Variants in GSK3B observed in about 807,000 individuals in gnomAD.
GSK3B encodes the protein glycogen synthase kinase 3 beta, also known as glycogen synthase kinase-3 beta.
A neutral mutation model predicts 56.4 loss-of-function variants in GSK3B; 15 were observed. The ratio of observed to expected loss-of-function variants is 0.27; its 90% CI spans 0.18 to 0.41. The LOEUF (loss-of-function observed/expected upper bound fraction) is 0.41. GSK3B is among the 10% of genes least tolerant of loss of function. The pLI, the probability that GSK3B is intolerant of heterozygous loss-of-function variation, is 1.00. For missense variants in GSK3B, 300 were observed against 513.4 expected, an observed-to-expected ratio of 0.58 and a Z score of 4.02; for synonymous variants, 181 against 188.9, an observed-to-expected ratio of 0.96 and a Z score of 0.34.
chr3:120,051,637 G>C (rs577232264), intron 1 of GSK3B, among the ~76,000 whole-genome samples: 50 of 151,774 alleles, frequency 3.3e-4, no homozygotes, highest in Non-Finnish European at 3.8e-4. Context: ...TGTGGTGGTG[G>C]GCATCTGTAA....
rs552972183 is a variant in GSK3B, at chr3:119,872,296, A to G, written c.909+4117T>C. ...AAATACTCTATTTTTCTGGAAAAGA[A>G]AGGCAGAAAAGATCAAGAACAGAGT... On this transcript the variant is annotated intron_variant, in intron 8 of 10. Coordinates refer to ENST00000264235, the MANE Select transcript of GSK3B (RefSeq NM_001146156.2). Among the ~76,000 whole-genome samples the G allele has an allele frequency of 2.0e-5, 3 of 152,296 alleles. No individual in the cohort carries two copies. The South Asian group carries it at 6.2e-4, about 32-fold the overall frequency.
intron 10 of GSK3B, among the ~76,000 whole-genome samples, chr3:119,835,430 T>A (rs1225102443): frequency 6.6e-6 from 1 of 152,112 alleles, no homozygotes; most frequent in African/African-American, 2.4e-5. Flanking sequence ...AAACCAAAAG[T>A]CCAAGAATAA....
At chr3:120,022,712 G>A (rs1274957098) in intron 1 of GSK3B, among the ~76,000 whole-genome samples, 1 of 152,190 alleles carries the variant, frequency 6.6e-6, no homozygotes, top group African/African-American at 2.4e-5. Flanking sequence ...TCACAAAGCA[G>A]TCCACTTAGC....
chr3:120,033,870 G>A (rs938763321), intron 1 of GSK3B, among the ~76,000 whole-genome samples: 1 of 152,024 alleles, frequency 6.6e-6, no homozygotes, highest in African/African-American at 2.4e-5. Context: ...AGTTTCCTGA[G>A]GCCTCCCACC....
intron 1 of GSK3B, among the ~76,000 whole-genome samples, chr3:120,027,692 G>A (rs1376049653): frequency 6.6e-6 from 1 of 152,060 alleles, no homozygotes; most frequent in Non-Finnish European, 1.5e-5. Flanking sequence ...ACATGAAAAA[G>A]CAGAGTATAT....
intron 2 of GSK3B, among the ~76,000 whole-genome samples, chr3:119,973,330 G>A (rs1271780366): frequency 5.9e-5 from 9 of 152,102 alleles, no homozygotes; most frequent in African/African-American, 1.9e-4. Flanking sequence ...GAAATCTCAC[G>A]CTGTCCTGCT....
chr3:120,055,962 C>CA (rs2058188362), intron 1 of GSK3B, among the ~76,000 whole-genome samples: 1 of 152,206 alleles, frequency 6.6e-6, no homozygotes, highest in African/African-American at 2.4e-5. Flanking sequence ...CAGAAGCCCA[C>CA]AAAGCCAAAA....
intron 6 of GSK3B, among the ~76,000 whole-genome samples, chr3:119,908,569 A>G (rs2056705390): frequency 6.6e-6 from 1 of 152,166 alleles, no homozygotes; most frequent in Non-Finnish European, 1.5e-5. Flanking sequence ...CCACAAGCAA[A>G]ATATTCTTTG....
chr3:120,029,193 G>A (rs2057955020), intron 1 of GSK3B: 1 of 683,320 alleles, frequency 1.5e-6, no homozygotes, highest in Admixed American at 2.2e-5. Context: ...TCAGAAAGGA[G>A]ATTAACAAGT....
intron 1 of GSK3B, among the ~76,000 whole-genome samples, chr3:120,075,470 C>G (rs540895261): frequency 1.3e-5 from 2 of 152,098 alleles, no homozygotes; most frequent in South Asian, 4.2e-4. Flanking sequence ...ATGGCATGAT[C>G]CCATATATAG....
intron 1 of GSK3B, among the ~76,000 whole-genome samples, chr3:120,045,385 C>T (rs2058094764): frequency 6.6e-6 from 1 of 152,162 alleles, no homozygotes; most frequent in African/African-American, 2.4e-5. Flanking sequence ...CAATAACTCA[C>T]ATCTGTTCCC....
intron 1 of GSK3B, among the ~76,000 whole-genome samples, chr3:120,037,006 C>T (rs2058028861): frequency 6.6e-6 from 1 of 152,000 alleles, no homozygotes; most frequent in Admixed American, 6.6e-5. Flanking sequence ...CTGACAAAAC[C>T]CAAAGTCTGT....
intron 1 of GSK3B, among the ~76,000 whole-genome samples, chr3:120,010,462 C>G (rs776544764): frequency 6.6e-6 from 1 of 152,058 alleles, no homozygotes; most frequent in Admixed American, 6.5e-5. Flanking sequence ...TCTTACAATC[C>G]AATTGTCTCA....
intron 9 of GSK3B, among the ~76,000 whole-genome samples, chr3:119,844,788 G>A (rs2055833229): frequency 6.6e-6 from 1 of 152,134 alleles, no homozygotes; most frequent in Non-Finnish European, 1.5e-5. Flanking sequence ...AGAAAAAGAG[G>A]GAATCCTCCC....
At chr3:119,888,396 C>A (rs2056464041) in intron 7 of GSK3B, among the ~76,000 whole-genome samples, 1 of 152,118 alleles carries the variant, frequency 6.6e-6, no homozygotes, top group South Asian at 2.1e-4. Flanking sequence ...AATCTCTGAA[C>A]ATAAATTGTG....
In GSK3B at chr3:120,050,099, T is replaced by C. The variant is rs143506174; in HGVS notation, c.88+43248A>G. Among the ~76,000 whole-genome samples the C allele has an allele frequency of 1.1e-4, 17 of 152,284 alleles. No individual in the cohort carries two copies. In the East Asian group the frequency reaches 2.7e-3, roughly 24 times the overall value. ...GAAGCTCAAAGGGGAAGTGGTCAGATGTGAAGACAAAAAATCTGGCGGCAT... is the reference window on the plus strand; with the variant it reads ...GAAGCTCAAAGGGGAAGTGGTCAGACGTGAAGACAAAAAATCTGGCGGCAT... On this transcript the variant is annotated intron_variant, in intron 1 of 10. Transcript: ENST00000264235.
intron 1 of GSK3B, among the ~76,000 whole-genome samples, chr3:120,080,831 A>C (rs2107576460): frequency 6.6e-6 from 1 of 150,414 alleles, no homozygotes; most frequent in East Asian, 1.9e-4. Context: ...CTCAGTCTCA[A>C]AAAAAAAAAG....
intron 3 of GSK3B, among the ~76,000 whole-genome samples, chr3:119,927,349 A>C (rs561354934): frequency 2.0e-5 from 3 of 152,312 alleles, no homozygotes; most frequent in African/African-American, 7.2e-5. Context: ...GAATGAATGC[A>C]GGGTGAGCAG....
intron 1 of GSK3B, among the ~76,000 whole-genome samples, chr3:120,014,585 G>A (rs930881406): frequency 5.3e-5 from 8 of 152,160 alleles, no homozygotes; most frequent in Non-Finnish European, 8.8e-5. Context: ...CAACCCTAAT[G>A]ATCAACAGCA....
Sources: gnomAD v4.1 joint callset for allele counts (sites outside exome capture counted in the v4.1 genomes callset) on GRCh38, gnomAD v4.1.1 for gene constraint, MANE v1.5 for transcripts, NCBI Gene and HGNC (gene_info 2026-07-23, HGNC 2026-07-21) for gene names.